Variants in ZNF431 observed in about 807,000 individuals in gnomAD.
ZNF431 encodes zinc finger protein 431.
In ZNF431, 34 loss-of-function variants were observed where a neutral mutation model predicts 57.0. That is an observed-to-expected ratio of 0.60 (90% confidence interval 0.45 to 0.79). The LOEUF (loss-of-function observed/expected upper bound fraction) is 0.79. Among genes scored for constraint, ZNF431 ranks in the 30% least tolerant of loss-of-function variants. ZNF431 has a pLI of 0.00. For synonymous variants in ZNF431, 207 were observed against 220.3 expected (o/e 0.94, Z 0.54); for missense variants, 607 against 667.1 (o/e 0.91, Z 0.99).
intron 4 of ZNF431, chr19:21,175,528 C>T: frequency 1.5e-6 from 1 of 665,604 alleles, no homozygotes. Flanking sequence ...CTATTAACCT[C>T]TCACCTCGGT....
chr19:21,181,488 C>T (rs181143927), intron 4 of ZNF431, among the ~76,000 whole-genome samples: 7 of 151,976 alleles, frequency 4.6e-5, no homozygotes, highest in Admixed American at 2.0e-4. Context: ...AATGACATGT[C>T]GTTTTTATCT....
At chr19:21,176,929 CCATCCT>C (rs1439715904) in intron 4 of ZNF431, among the ~76,000 whole-genome samples, 2 of 152,088 alleles carry the variant, frequency 1.3e-5, no homozygotes, top group South Asian at 2.1e-4. Flanking sequence ...ACTCCTGACC[CCATCCT>C]CATCTACCCC....
chr19:21,184,971 C>G lies in ZNF431; in HGVS notation c.*937C>G, dbSNP rs1971325698. 2 of 152,032 alleles carry G rather than the reference C, an allele frequency of 1.3e-5. No homozygotes were observed. Among genetic ancestry groups the G allele is most frequent in the African/African-American group, 4.8e-5 (2 of 41,400 alleles). The allele number at this position is 152,032 out of a possible 1,614,324, so 9.4% of individuals were successfully genotyped here. ...CTGAAGCAGTTGATCAAACTTTGTT[C>G]AACATCAGGGAATTTATATTGAAAA... On this transcript the variant is annotated 3_prime_UTR_variant, in exon 5 of 5. Transcript: ENST00000311048.
At position 21,147,500 on chromosome 19, in the gene ZNF431, GA is replaced by G. The variant is rs1053390637; in HGVS notation, c.96+3867del. On this transcript the variant is annotated intron_variant, in intron 2 of 4. Transcript: ENST00000311048. ...AACAGAGTAAGACTCCATCTCAAAAGAAAAAAAAAATAGAACATCTGTCAAA... is the reference window on the plus strand; with the variant it reads ...AACAGAGTAAGACTCCATCTCAAAAGAAAAAAAAATAGAACATCTGTCAAA... Among the ~76,000 whole-genome samples, 3 of 133,258 alleles carry G rather than the reference GA, an allele frequency of 2.3e-5. 1 individual carries two copies. The highest frequency in any genetic ancestry group is 4.7e-4 in the South Asian group (2 of 4,266). The allele number at this position is 133,258 out of a possible 152,430, so 87.4% of individuals were successfully genotyped here.
chr19:21,151,020 G>C (rs2144938339), intron 2 of ZNF431: 1 of 152,084 alleles, frequency 6.6e-6, no homozygotes, highest in Non-Finnish European at 1.5e-5. Context: ...AATATCTGCT[G>C]TACTTAAGCT....
Position 21,189,944 on chromosome 19 carries a change from G to T in ZNF431, c.*5910G>T. The T allele has an allele frequency of 2.5e-6, 1 of 397,738 alleles. No individual in the cohort carries two copies. The highest frequency in any genetic ancestry group is 1.4e-4 in the South Asian group (1 of 7,200). 24.6% of individuals were successfully genotyped at this position (397,738 alleles called of 1,614,324 possible). ...GGATTGCTTGAGCCCAGGAGTTTGA[G>T]ACCAGCCTGGACAACGTGGAAAAAC... On this transcript the variant is annotated 3_prime_UTR_variant, in exon 5 of 5. Coordinates refer to ENST00000311048, the MANE Select transcript of ZNF431 (RefSeq NM_133473.4).
intron 2 of ZNF431, among the ~76,000 whole-genome samples, chr19:21,145,258 G>A (rs1599571443): frequency 6.6e-6 from 1 of 152,136 alleles, no homozygotes; most frequent in African/African-American, 2.4e-5. Context: ...GGTGGATCAC[G>A]AGGTCAGGAG....
At chr19:21,142,308 C>G in intron 1 of ZNF431, 122 bp downstream of exon 1, 1 of 1,392,446 alleles carries the variant, frequency 7.2e-7, no homozygotes, top group Non-Finnish European at 1.0e-6. Context: ...CCCGAGTTCT[C>G]CTTGCCCAGC....
chr19:21,173,316 C>T (rs1322782527), intron 4 of ZNF431, among the ~76,000 whole-genome samples: 1 of 151,282 alleles, frequency 6.6e-6, no homozygotes, highest in African/African-American at 2.4e-5. Context: ...AGTGGGATTG[C>T]TGTATTTGAT....
chr19:21,183,189 G>A lies in ZNF431; in HGVS notation c.886G>A (p.Ala296Thr). Residue 296 changes from alanine to threonine, a missense_variant, in exon 5 of 5, where the codon GCC becomes ACC. Ala to Thr is a moderately conservative substitution (Grantham distance 58). Transcript: ENST00000311048. The stretch of plus-strand genomic sequence containing the variant: ...ATATAGATGTGAAGAATGTGGCAAA[G>A]CCTTCAACCGGTCCTCACACCTTAC... ...KPYRCEECGK[A>T]FNRSSHLTTH... is the part of the protein sequence containing the mutation. The A allele has an allele frequency of 6.2e-7, 1 of 1,613,836 alleles. No homozygotes were observed. Among genetic ancestry groups the A allele is most frequent in the Non-Finnish European group, 8.5e-7 (1 of 1,179,910 alleles).
intron 2 of ZNF431, among the ~76,000 whole-genome samples, chr19:21,163,240 G>T (rs1301254350): frequency 6.6e-6 from 1 of 152,166 alleles, no homozygotes; most frequent in African/African-American, 2.4e-5. Context: ...TTCTGAAATT[G>T]CTGCTTTCTG....
intron 2 of ZNF431, among the ~76,000 whole-genome samples, chr19:21,165,258 T>G (rs972303368): frequency 2.0e-5 from 3 of 152,144 alleles, no homozygotes; most frequent in African/African-American, 7.2e-5. Flanking sequence ...AGATTCCTAC[T>G]GGGGAAAAGC....
At chr19:21,147,615 A>G (rs1033919224) in intron 2 of ZNF431, among the ~76,000 whole-genome samples, 2 of 152,192 alleles carry the variant, frequency 1.3e-5, no homozygotes, top group African/African-American at 2.4e-5. Context: ...GAAAAAAAAA[A>G]AAAACCATGA....
chr19:21,160,396 T>C (rs1298579680), intron 2 of ZNF431, among the ~76,000 whole-genome samples: 4 of 152,154 alleles, frequency 2.6e-5, no homozygotes, highest in African/African-American at 9.7e-5. Flanking sequence ...GGCCACAAAA[T>C]ATCCAGAGCC....
At chr19:21,158,713 G>T (rs1430492564) in intron 2 of ZNF431, among the ~76,000 whole-genome samples, 1 of 152,200 alleles carries the variant, frequency 6.6e-6, no homozygotes, top group Non-Finnish European at 1.5e-5. Context: ...AGTTTAAACA[G>T]CTTTTTGCTG....
intron 2 of ZNF431, among the ~76,000 whole-genome samples, chr19:21,154,299 T>C (rs1310622082): frequency 6.6e-6 from 1 of 152,184 alleles, no homozygotes; most frequent in Non-Finnish European, 1.5e-5. Flanking sequence ...GATAGTTTGC[T>C]GAGAATGATG....
At chr19:21,154,089 A>G (rs1970352501) in intron 2 of ZNF431, among the ~76,000 whole-genome samples, 1 of 152,202 alleles carries the variant, frequency 6.6e-6, no homozygotes, top group Admixed American at 6.5e-5. Flanking sequence ...TTAGTTATAT[A>G]GTATACATGT....
intron 2 of ZNF431, among the ~76,000 whole-genome samples, chr19:21,155,842 G>A (rs1236048750): frequency 2.0e-5 from 3 of 152,156 alleles, no homozygotes; most frequent in African/African-American, 4.8e-5. Context: ...CCAGAGCCCT[G>A]TCCTGGTATA....
At chr19:21,166,509 A>G (rs760800967) in intron 3 of ZNF431, 48 bp downstream of exon 3, 9 of 1,526,348 alleles carry the variant, frequency 5.9e-6, no homozygotes, top group Non-Finnish European at 7.9e-6. Context: ...TAAATGTTTC[A>G]TGTCTCTTTT....
Sources: gnomAD v4.1 joint callset for allele counts (sites outside exome capture counted in the v4.1 genomes callset) on GRCh38, gnomAD v4.1.1 for gene constraint, MANE v1.5 for transcripts, NCBI Gene and HGNC (gene_info 2026-07-23, HGNC 2026-07-21) for gene names.